Variants in ROBO1 observed in about 807,000 individuals in gnomAD.
The protein encoded by ROBO1 is roundabout homolog 1.
In ROBO1, 149 loss-of-function variants were observed where a neutral mutation model predicts 195.9. The ratio of observed to expected loss-of-function variants is 0.76; its 90% CI spans 0.67 to 0.87. ROBO1 has a LOEUF of 0.87. Ranked by LOEUF, ROBO1 falls within the 40% of genes least tolerant of loss-of-function variation. ROBO1 has a pLI of 0.00. For missense variants in ROBO1, 1,933 were observed against 2,068.3 expected (o/e 0.93, Z 1.27); for synonymous variants, 816 against 733.2 (o/e 1.11, Z -1.82).
rs199702173 is a variant in ROBO1, at chr3:79,016,699, TCAAA to T, written c.173-77776_173-77773del. Among the ~76,000 whole-genome samples, 567 of 152,248 alleles carry T rather than the reference TCAAA, an allele frequency of 3.7e-3. 7 individuals are homozygous for T. Among genetic ancestry groups the T allele is most frequent in the African/African-American group, 0.013 (528 of 41,548 alleles). On this transcript the variant is annotated intron_variant, in intron 3 of 30. Transcript: ENST00000464233. Reference sequence around the variant, plus strand: ...ATGTTCCAACATATACAAACTCAACTCAAACAGTGACTAATGACCATTAATCCCC... The same window carrying T: ...ATGTTCCAACATATACAAACTCAACTCAGTGACTAATGACCATTAATCCCC...
At chr3:79,317,942 T>C (rs892245776) in intron 2 of ROBO1, among the ~76,000 whole-genome samples, 1 of 152,200 alleles carries the variant, frequency 6.6e-6, no homozygotes, top group Non-Finnish European at 1.5e-5. Flanking sequence ...AGATATTTAT[T>C]ATAAGAAATT....
At chr3:79,502,932 GCTCTGTAAAATGGACCAATCAGCT>G (rs1173969225) in intron 2 of ROBO1, among the ~76,000 whole-genome samples, 9 of 152,130 alleles carry the variant, frequency 5.9e-5, no homozygotes, top group East Asian at 1.9e-4. Context: ...GGACCAATCA[GCTCTGTAAAATGGACCAATCAGCT>G]CTCTGTAAAA....
intron 2 of ROBO1, among the ~76,000 whole-genome samples, chr3:79,537,588 G>A (rs182306583): frequency 2.6e-4 from 39 of 152,212 alleles, no homozygotes; most frequent in Admixed American, 2.3e-3. Flanking sequence ...CCATGGGTGG[G>A]TGTACATCAA....
chr3:79,430,113 T>C (rs146069024), intron 2 of ROBO1, among the ~76,000 whole-genome samples: 1 of 152,182 alleles, frequency 6.6e-6, no homozygotes, highest in East Asian at 1.9e-4. Context: ...AAATGTTTTA[T>C]AATTTTACAA....
chr3:79,190,899 C>T (rs2081528580), intron 2 of ROBO1, among the ~76,000 whole-genome samples: 1 of 151,472 alleles, frequency 6.6e-6, no homozygotes, highest in South Asian at 2.1e-4. Flanking sequence ...CTTAAATCTT[C>T]CCTTTAAGCT....
intron 2 of ROBO1, among the ~76,000 whole-genome samples, chr3:79,435,572 G>A (rs567883524): frequency 4.5e-4 from 68 of 152,062 alleles, no homozygotes; most frequent in South Asian, 3.3e-3. Flanking sequence ...AGTCTATGTC[G>A]GAATTACCAT....
intron 3 of ROBO1, among the ~76,000 whole-genome samples, chr3:78,948,095 G>C (rs577193567): frequency 0.028 from 4,195 of 151,580 alleles, 206 homozygotes; most frequent in African/African-American, 0.097. Flanking sequence ...ACCAGAGGTA[G>C]AAAAAGGAGC....
At chr3:79,551,184 T>A (rs997852074) in intron 2 of ROBO1, among the ~76,000 whole-genome samples, 4 of 151,974 alleles carry the variant, frequency 2.6e-5, no homozygotes, top group African/African-American at 7.2e-5. Context: ...AACTTTTTTT[T>A]AAATTTTAAT....
chr3:79,721,594 G>T (rs1576282204), intron 1 of ROBO1, among the ~76,000 whole-genome samples: 1 of 152,258 alleles, frequency 6.6e-6, no homozygotes, highest in South Asian at 2.1e-4. Flanking sequence ...TACTAAAACA[G>T]ACCTTTGAAA....
At chr3:79,599,615 C>T (rs563203200) in intron 1 of ROBO1, among the ~76,000 whole-genome samples, 25 of 151,540 alleles carry the variant, frequency 1.6e-4, no homozygotes, top group Admixed American at 4.0e-4. Context: ...GGGTAGGGGG[C>T]GGGAGAAAAA....
chr3:78,780,509 CCA>C (rs2083644707), intron 4 of ROBO1, among the ~76,000 whole-genome samples: 1 of 151,882 alleles, frequency 6.6e-6, no homozygotes, highest in East Asian at 1.9e-4. Flanking sequence ...TGTCATGTCC[CCA>C]AACTTTCCCT....
chr3:79,007,376 C>A (rs1488238457), intron 3 of ROBO1, among the ~76,000 whole-genome samples: 1 of 152,084 alleles, frequency 6.6e-6, no homozygotes, highest in Admixed American at 6.6e-5. Context: ...AGAATAAAGA[C>A]CGTGCTCAGG....
intron 1 of ROBO1, among the ~76,000 whole-genome samples, chr3:79,590,818 T>C (rs1338327446): frequency 2.0e-5 from 3 of 151,518 alleles, no homozygotes; most frequent in African/African-American, 7.3e-5. Flanking sequence ...CATAGATAGG[T>C]AGATAGATGA....
At chr3:78,795,336 A>C (rs532255674) in intron 4 of ROBO1, among the ~76,000 whole-genome samples, 1 of 152,336 alleles carries the variant, frequency 6.6e-6, no homozygotes, top group African/African-American at 2.4e-5. Context: ...TACAATCTCA[A>C]GAAACAAAAT....
At chr3:79,047,840 C>T (rs2078623678) in intron 3 of ROBO1, among the ~76,000 whole-genome samples, 1 of 152,058 alleles carries the variant, frequency 6.6e-6, no homozygotes, top group South Asian at 2.1e-4. Context: ...CAGTATGAAG[C>T]AACAGAGGCA....
rs370142525 is a variant in ROBO1 at position 78,602,173 on chromosome 3, A to G, written c.4745-1864T>C. 9.7e-4 allele frequency among the ~76,000 whole-genome samples: 148 copies of G among 152,058 alleles called. 1 individual carries two copies. Among genetic ancestry groups the G allele is most frequent in the African/African-American group, 3.1e-3 (130 of 41,478 alleles). ...GTGGGGCCAGGTGGGAGATGTCTGGATCATGGAGGCAGATACCTCATGGAT... is the reference window on the plus strand; with the variant it reads ...GTGGGGCCAGGTGGGAGATGTCTGGGTCATGGAGGCAGATACCTCATGGAT... On this transcript the variant is annotated intron_variant, in intron 29 of 30. Coordinates refer to ENST00000464233, the MANE Select transcript of ROBO1 (RefSeq NM_002941.4).
At chr3:79,505,743 A>G (rs552037497) in intron 2 of ROBO1, among the ~76,000 whole-genome samples, 1 of 152,356 alleles carries the variant, frequency 6.6e-6, no homozygotes, top group South Asian at 2.1e-4. Flanking sequence ...ACAGGCAGAC[A>G]AATAATGATA....
chr3:79,708,582 G>A lies in ROBO1; in HGVS notation c.-51+59170C>T, dbSNP rs568957241. On this transcript the variant is annotated intron_variant, in intron 1 of 30. Coordinates refer to ENST00000464233, the MANE Select transcript of ROBO1 (RefSeq NM_002941.4). ...GTACTTTGTTCAAGAAACAAAACTG[G>A]CAGGGGATGACAGCTTCACACTGTA... Among the ~76,000 whole-genome samples the A allele has an allele frequency of 4.6e-5, 7 of 152,260 alleles. No homozygotes were observed. The East Asian group carries it at 1.4e-3, about 29-fold the overall frequency.
intron 3 of ROBO1, among the ~76,000 whole-genome samples, chr3:79,089,118 T>C (rs2079429791): frequency 6.6e-6 from 1 of 152,080 alleles, no homozygotes; most frequent in Non-Finnish European, 1.5e-5. Context: ...CAAAAGAAAA[T>C]ACATCTCATA....
Sources: allele counts gnomAD v4.1 joint callset (sites outside exome capture counted in the v4.1 genomes callset), GRCh38; gene constraint gnomAD v4.1.1; transcripts MANE v1.5; gene names NCBI Gene and HGNC (gene_info 2026-07-23, HGNC 2026-07-21).